The following CDH13 variants were observed in gnomAD, a reference collection of about 807,000 sequenced individuals.
The protein encoded by CDH13 is cadherin-13.
CDH13 carries 24 observed loss-of-function variants against 63.8 expected under a neutral mutation model. The ratio of observed to expected loss-of-function variants is 0.38; its 90% CI spans 0.27 to 0.53. The LOEUF is 0.53. Ranked by LOEUF, CDH13 falls within the 20% of genes least tolerant of loss-of-function variation. The probability of loss-of-function intolerance (pLI) is 0.85; values close to 1 mark genes in which losing one functional copy is unlikely to be tolerated. For synonymous variants in CDH13, 503 were observed against 355.3 expected, an observed-to-expected ratio of 1.42 and a Z score of -4.67; for missense variants, 1,049 against 903.1, an observed-to-expected ratio of 1.16 and a Z score of -2.07.
At chr16:83,603,795 GA>G (rs1234256632) in intron 8 of CDH13, among the ~76,000 whole-genome samples, 1 of 152,136 alleles carries the variant, frequency 6.6e-6, no homozygotes, top group Non-Finnish European at 1.5e-5. Flanking sequence ...AATTTACAAA[GA>G]AAAGAGGTTT....
chr16:83,270,365 C>T (rs1347353551), intron 5 of CDH13, among the ~76,000 whole-genome samples: 1 of 152,174 alleles, frequency 6.6e-6, no homozygotes, highest in African/African-American at 2.4e-5. Flanking sequence ...CTGTGTTTCA[C>T]TGCAATAATA....
chr16:83,356,105 G>T (rs890810135), intron 6 of CDH13, among the ~76,000 whole-genome samples: 2 of 152,058 alleles, frequency 1.3e-5, no homozygotes, highest in Non-Finnish European at 2.9e-5. Flanking sequence ...AACACCCACT[G>T]TCCTTTAACT....
At chr16:83,310,093 T>A (rs2089967622) in intron 5 of CDH13, among the ~76,000 whole-genome samples, 1 of 152,246 alleles carries the variant, frequency 6.6e-6, no homozygotes, top group African/African-American at 2.4e-5. Flanking sequence ...AAAGATAGAC[T>A]ATTTTCCACA....
At chr16:83,175,515 G>T (rs1370757954) in intron 4 of CDH13, among the ~76,000 whole-genome samples, 1 of 152,046 alleles carries the variant, frequency 6.6e-6, no homozygotes, top group Non-Finnish European at 1.5e-5. Context: ...GGGGATGGGG[G>T]CACCACTGAC....
intron 4 of CDH13, among the ~76,000 whole-genome samples, chr16:83,211,944 G>A (rs2039351242): frequency 6.6e-6 from 1 of 152,132 alleles, no homozygotes; most frequent in Non-Finnish European, 1.5e-5. Context: ...AAAGAAGTGT[G>A]GAATTACAAA....
rs1036958033 is a variant in CDH13, at chr16:83,248,606, C to T, written c.636+31109C>T. Among the ~76,000 whole-genome samples the T allele has an allele frequency of 1.1e-4, 16 of 152,142 alleles. 1 individual carries two copies. The highest frequency in any genetic ancestry group is 3.9e-4 in the East Asian group (2 of 5,180). On this transcript the variant is annotated intron_variant, in intron 5 of 13. Coordinates refer to ENST00000567109, the MANE Select transcript of CDH13 (RefSeq NM_001257.5). The stretch of plus-strand genomic sequence containing the variant: ...TCTGTGATACTAAGTTTCCTGGTTC[C>T]GTTTCTGTCTCTCAGAATACTTTTC...
At chr16:83,040,673 A>G (rs1214686246) in intron 3 of CDH13, among the ~76,000 whole-genome samples, 2 of 152,168 alleles carry the variant, frequency 1.3e-5, no homozygotes, top group Non-Finnish European at 2.9e-5. Flanking sequence ...ACTGACTCAC[A>G]TGTTAATATC....
At chr16:83,190,973 A>G (rs1277067720) in intron 4 of CDH13, among the ~76,000 whole-genome samples, 3 of 151,918 alleles carry the variant, frequency 2.0e-5, no homozygotes, top group Admixed American at 1.3e-4. Context: ...CACCTATAGG[A>G]CAGGTTTGGG....
chr16:83,512,081 G>A (rs2074580186), intron 7 of CDH13, among the ~76,000 whole-genome samples: 2 of 152,048 alleles, frequency 1.3e-5, no homozygotes, highest in Admixed American at 1.3e-4. Context: ...CAGCACTTTG[G>A]GAGGCCGAGG....
intron 6 of CDH13, among the ~76,000 whole-genome samples, chr16:83,485,639 G>T (rs934605246): frequency 4.6e-5 from 7 of 152,022 alleles, no homozygotes; most frequent in African/African-American, 1.7e-4. Flanking sequence ...GTCCTCATCA[G>T]ACACCTTTGT....
chr16:83,315,641 T>A (rs1027168561), intron 5 of CDH13, among the ~76,000 whole-genome samples: 122 of 147,364 alleles, frequency 8.3e-4, no homozygotes, highest in Non-Finnish European at 1.5e-3. Flanking sequence ...ACTCTGGATT[T>A]AAAAAAAAAA....
chr16:83,486,950 C>G lies in CDH13; in HGVS notation c.960+295C>G. On this transcript the variant is annotated intron_variant, in intron 7 of 13. Coordinates refer to ENST00000567109, the MANE Select transcript of CDH13 (RefSeq NM_001257.5). The stretch of plus-strand genomic sequence containing the variant: ...GCCCTGGTGATTCTAGACTCTGCCT[C>G]TGGCCCCTGCTTTAATGCTAGAAGG... 1.3e-5 allele frequency among the ~76,000 whole-genome samples: 2 copies of G among 152,288 alleles called. 1 individual carries two copies. Among genetic ancestry groups the G allele is most frequent in the South Asian group, 4.2e-4 (2 of 4,818 alleles).
chr16:83,100,160 C>T (rs2034405754), intron 3 of CDH13, among the ~76,000 whole-genome samples: 1 of 152,080 alleles, frequency 6.6e-6, no homozygotes, highest in South Asian at 2.1e-4. Context: ...TTCTGGTTTA[C>T]TAGGGTTAGA....
At chr16:83,382,476 C>G (rs1016452730) in intron 6 of CDH13, among the ~76,000 whole-genome samples, 1 of 152,152 alleles carries the variant, frequency 6.6e-6, no homozygotes, top group Admixed American at 6.5e-5. Flanking sequence ...TGCGTACACT[C>G]TATCTCCCTA....
At chr16:83,604,068 A>G (rs549750858) in intron 8 of CDH13, among the ~76,000 whole-genome samples, 5 of 152,232 alleles carry the variant, frequency 3.3e-5, no homozygotes, top group East Asian at 3.9e-4. Context: ...CCAGGCCCCA[A>G]CTACAACACT....
intron 11 of CDH13, among the ~76,000 whole-genome samples, chr16:83,773,605 A>C (rs1353882054): frequency 6.6e-6 from 1 of 152,180 alleles, no homozygotes; most frequent in African/African-American, 2.4e-5. Flanking sequence ...TGGGGATTAC[A>C]ATTGGAGATG....
At chr16:82,957,209 T>C (rs908949650) in intron 2 of CDH13, among the ~76,000 whole-genome samples, 51 of 152,274 alleles carry the variant, frequency 3.3e-4, no homozygotes, top group Admixed American at 2.9e-3. Flanking sequence ...TCTCCTCATA[T>C]CTTCTTGGCG....
At chr16:82,904,697 C>T (rs2041586244) in intron 2 of CDH13, among the ~76,000 whole-genome samples, 1 of 152,112 alleles carries the variant, frequency 6.6e-6, no homozygotes, top group Non-Finnish European at 1.5e-5. Flanking sequence ...ATTGCAGCCT[C>T]CTCTCCCATC....
At chr16:82,681,998 C>A (rs544184723) in intron 1 of CDH13, among the ~76,000 whole-genome samples, 2 of 152,318 alleles carry the variant, frequency 1.3e-5, no homozygotes, top group East Asian at 3.9e-4. Context: ...CTGGTTTCTC[C>A]TTCACCTTCC....
Sources: gnomAD v4.1 joint callset for allele counts (sites outside exome capture counted in the v4.1 genomes callset) on GRCh38, gnomAD v4.1.1 for gene constraint, MANE v1.5 for transcripts, NCBI Gene and HGNC (gene_info 2026-07-23, HGNC 2026-07-21) for gene names.